The following SLC13A4 variants were observed in gnomAD, a reference collection of about 807,000 sequenced individuals.
SLC13A4 encodes Na(+)/sulfate cotransporter SUT-1.
In SLC13A4, 28 loss-of-function variants were observed where a neutral mutation model predicts 72.7. The observed-to-expected ratio is 0.39, with a 90% CI of 0.29 to 0.53. The LOEUF is 0.53. SLC13A4 is among the 20% of genes least tolerant of loss of function. The pLI is 0.78. For missense variants in SLC13A4, 653 were observed against 788.0 expected (o/e 0.83, Z 2.05); for synonymous variants, 312 against 325.5 (o/e 0.96, Z 0.45).
chr7:135,716,927 G>A (rs959143117), intron 2 of SLC13A4, among the ~76,000 whole-genome samples: 1 of 152,208 alleles, frequency 6.6e-6, no homozygotes, highest in African/African-American at 2.4e-5. Context: ...TGCTGAGCCT[G>A]TACTTAGCTA....
chr7:135,718,093 G>GCGCC (rs1554479760), intron 2 of SLC13A4, among the ~76,000 whole-genome samples: 1 of 144,654 alleles, frequency 6.9e-6, no homozygotes, highest in Non-Finnish European at 1.5e-5. Context: ...ACACACGCGC[G>GCGCC]CGCGCGCACG....
chr7:135,724,454 G>T (rs1439670060), intron 1 of SLC13A4, among the ~76,000 whole-genome samples: 1 of 142,234 alleles, frequency 7.0e-6, no homozygotes, highest in African/African-American at 2.6e-5. Flanking sequence ...CCAAGGTTGT[G>T]CCACTGCACT....
At chr7:135,690,180 CAAAAAAAAAAAAAAAAAA>C (rs57390577) in intron 13 of SLC13A4, among the ~76,000 whole-genome samples, 1 of 29,632 alleles carries the variant, frequency 3.4e-5, no homozygotes, top group East Asian at 1.2e-3. Flanking sequence ...GACTCTGTCT[CAAAAAAAAAAAAAAAAAA>C]AAAAAAAAAG....
chr7:135,717,600 C>A (rs1326518707), intron 2 of SLC13A4, among the ~76,000 whole-genome samples: 1 of 152,194 alleles, frequency 6.6e-6, no homozygotes, highest in East Asian at 1.9e-4. Context: ...TTATCAGCAC[C>A]TGAGTCTGAG....
intron 6 of SLC13A4, 22 bp downstream of exon 6, chr7:135,702,823 C>G (rs1796069992): frequency 1.2e-6 from 2 of 1,609,916 alleles, no homozygotes; most frequent in Admixed American, 3.3e-5. Flanking sequence ...TTCCAAAGCA[C>G]AGAAAAACCC....
At chr7:135,696,724 A>G (rs1341658093) in intron 8 of SLC13A4, among the ~76,000 whole-genome samples, 1 of 151,732 alleles carries the variant, frequency 6.6e-6, no homozygotes, top group East Asian at 1.9e-4. Flanking sequence ...TCTCACCTCT[A>G]CCTTAGTCCT....
chr7:135,703,939 G>C (rs1339390542), intron 5 of SLC13A4: 1 of 152,308 alleles, frequency 6.6e-6, no homozygotes, highest in African/African-American at 2.4e-5. Flanking sequence ...TAGCATGGGA[G>C]GTGGTGGCCG....
intron 2 of SLC13A4, among the ~76,000 whole-genome samples, chr7:135,715,235 G>GTGTGTA (rs71990073): frequency 4.0e-5 from 6 of 151,410 alleles, no homozygotes; most frequent in Admixed American, 3.3e-4. Context: ...GTGAGTGTAT[G>GTGTGTA]TGTGTATGTG....
chr7:135,711,964 T>G (rs991105647), intron 2 of SLC13A4, among the ~76,000 whole-genome samples: 11 of 10,442 alleles, frequency 1.1e-3, no homozygotes, highest in African/African-American at 6.5e-3. Flanking sequence ...TGTTTTTGGA[T>G]TTTTTTTTTT....
At chr7:135,698,334 CTTTTTTTT>C (rs10563133) in intron 8 of SLC13A4, among the ~76,000 whole-genome samples, 1 of 104,420 alleles carries the variant, frequency 9.6e-6, no homozygotes, top group Non-Finnish European at 1.9e-5. Context: ...TGCTGGGACT[CTTTTTTTT>C]TTTTTTTTTT....
intron 9 of SLC13A4, 87 bp from the exon 10 acceptor site, chr7:135,694,325 C>A (rs896778095): frequency 1.8e-5 from 14 of 793,182 alleles, no homozygotes; most frequent in Admixed American, 1.2e-4. Flanking sequence ...AAACCGCTTG[C>A]CTGCTGTGGT....
chr7:135,709,792 A>G (rs1342654855), intron 2 of SLC13A4, among the ~76,000 whole-genome samples: 1 of 152,184 alleles, frequency 6.6e-6, no homozygotes, highest in Non-Finnish European at 1.5e-5. Context: ...TTGTGGCCCT[A>G]GCCTCTGATT....
intron 15 of SLC13A4, chr7:135,683,318 A>AG (rs1795546984): frequency 6.9e-6 from 6 of 868,456 alleles, no homozygotes; most frequent in Non-Finnish European, 8.3e-6. Flanking sequence ...AAAAAAAAAA[A>AG]AAAAAAGGAT....
At chr7:135,691,802 A>T (rs1374623374) in intron 11 of SLC13A4, 157 bp from the exon 12 acceptor site, 1 of 580,874 alleles carries the variant, frequency 1.7e-6, no homozygotes, top group Non-Finnish European at 3.1e-6. Flanking sequence ...CACGCTATCC[A>T]CTTTGGATTT....
intron 12 of SLC13A4, 56 bp downstream of exon 12, chr7:135,691,492 G>T: frequency 6.5e-7 from 1 of 1,540,184 alleles, no homozygotes; most frequent in Non-Finnish European, 9.0e-7. Context: ...GGGAGTATTA[G>T]TCTGATTTGG....
At chr7:135,683,829 G>A (rs1185318508) in intron 15 of SLC13A4, 8 of 966,528 alleles carry the variant, frequency 8.3e-6, no homozygotes, top group African/African-American at 1.8e-5. Context: ...GGCAAAACTT[G>A]TTTGCACAGG....
rs1336464461 is a variant in SLC13A4 at position 135,706,124 on chromosome 7, G to C, written c.538+4C>G. 1.9e-6 allele frequency: 3 copies of C among 1,588,634 alleles called. No homozygotes were observed. The highest frequency in any genetic ancestry group is 2.6e-6 in the Non-Finnish European group (3 of 1,161,644). On this transcript the variant is annotated splice_donor_region_variant and intron_variant, in intron 4 of 15. Transcript: ENST00000682651. ...AAGGAGAGATGAACTCCAGCAAACT[G>C]TACTGATGGGTTCGGCCTCTTCGGT... is the stretch of plus-strand genomic sequence containing the variant.
intron 6 of SLC13A4, chr7:135,702,077 A>AT (rs1796049562): frequency 5.2e-6 from 1 of 192,328 alleles, no homozygotes; most frequent in Non-Finnish European, 1.0e-5. Context: ...AAAGAAAATA[A>AT]AAAAAAAATA....
At chr7:135,685,725 C>T (rs748435930) in intron 13 of SLC13A4, 42 bp from the exon 14 acceptor site, 10 of 1,556,430 alleles carry the variant, frequency 6.4e-6, no homozygotes, top group Admixed American at 1.7e-5. Flanking sequence ...GGAGAAGAAG[C>T]ACATCCCAGC....
Sources: gnomAD v4.1 joint callset for allele counts (sites outside exome capture counted in the v4.1 genomes callset) on GRCh38, gnomAD v4.1.1 for gene constraint, MANE v1.5 for transcripts, NCBI Gene and HGNC (gene_info 2026-07-23, HGNC 2026-07-21) for gene names.